The following RGS6 variants were observed in gnomAD, a reference collection of about 807,000 sequenced individuals.
The protein encoded by RGS6 is regulator of G-protein signaling 6.
In RGS6, 30 loss-of-function variants were observed where a neutral mutation model predicts 78.5. That is an observed-to-expected ratio of 0.38 (90% confidence interval 0.29 to 0.52). The LOEUF is 0.52. Ranked by LOEUF, RGS6 falls within the 20% of genes least tolerant of loss-of-function variation. The pLI is 0.85. For synonymous variants in RGS6, 206 were observed against 206.0 expected (o/e 1.00, Z 0.00); for missense variants, 495 against 609.7 (o/e 0.81, Z 1.98).
intron 2 of RGS6, among the ~76,000 whole-genome samples, chr14:72,113,114 ACCC>A (rs2095809139): frequency 1.3e-5 from 2 of 149,934 alleles, no homozygotes; most frequent in African/African-American, 2.5e-5. Context: ...GCACACACAC[ACCC>A]CACTTCATGC....
chr14:71,992,239 G>A (rs1566975263), intron 2 of RGS6, among the ~76,000 whole-genome samples: 1 of 152,090 alleles, frequency 6.6e-6, no homozygotes, highest in African/African-American at 2.4e-5. Flanking sequence ...TGCCATGTTG[G>A]CCAGGCTGGT....
intron 2 of RGS6, among the ~76,000 whole-genome samples, chr14:72,317,134 C>G (rs551821798): frequency 4.3e-4 from 65 of 152,182 alleles, no homozygotes; most frequent in African/African-American, 1.5e-3. Context: ...GCCTTGCACA[C>G]ATTTCCTCAT....
intron 2 of RGS6, among the ~76,000 whole-genome samples, chr14:72,080,867 CA>C (rs1225899683): frequency 2.0e-5 from 3 of 152,058 alleles, no homozygotes; most frequent in Non-Finnish European, 4.4e-5. Flanking sequence ...TACCTTGTTC[CA>C]TTGGCCTAAG....
chr14:72,511,034 A>G (rs1262150456), intron 14 of RGS6, among the ~76,000 whole-genome samples: 2 of 152,232 alleles, frequency 1.3e-5, no homozygotes, highest in East Asian at 3.8e-4. Context: ...GGTTATGAAA[A>G]ATTTGGGAAC....
chr14:72,012,155 T>G (rs2085893508), intron 2 of RGS6, among the ~76,000 whole-genome samples: 1 of 152,184 alleles, frequency 6.6e-6, no homozygotes, highest in South Asian at 2.1e-4. Flanking sequence ...TGATTGGCAC[T>G]TCTCATTTAA....
At chr14:71,885,863 C>T in the RGS6 span, among the ~76,000 whole-genome samples, 1 of 151,884 alleles carries the variant, frequency 6.6e-6, no homozygotes, top group South Asian at 2.1e-4. Context: ...CTGTTTAATA[C>T]TAGTGAGATA....
chr14:72,590,638 G>A, the RGS6 span, among the ~76,000 whole-genome samples: 7 of 152,210 alleles, frequency 4.6e-5, no homozygotes, highest in East Asian at 3.8e-4. Context: ...AGAGTTGATG[G>A]AACAAGATTA....
intron 2 of RGS6, among the ~76,000 whole-genome samples, chr14:72,344,718 C>T (rs577548605): frequency 5.9e-5 from 9 of 152,224 alleles, no homozygotes; most frequent in South Asian, 4.2e-4. Context: ...CAAATTAGAG[C>T]GATCGTTGAT....
In RGS6 at chr14:72,179,017, G is replaced by T. The variant is rs568618346; in HGVS notation, c.85-173078G>T. On this transcript the variant is annotated intron_variant, in intron 2 of 17. Coordinates refer to ENST00000553525, the MANE Select transcript of RGS6 (RefSeq NM_001204424.2). ...CATGTGGGATCCAGCACATATTTCTGACCTGGCGAAAACTAAGAATATCTC... is the reference window on the plus strand; with the variant it reads ...CATGTGGGATCCAGCACATATTTCTTACCTGGCGAAAACTAAGAATATCTC... Among the ~76,000 whole-genome samples the T allele has an allele frequency of 5.9e-5, 9 of 152,278 alleles. No homozygotes were observed. The South Asian group carries it at 1.9e-3, about 32-fold the overall frequency.
downstream of RGS6, chr14:72,566,569 G>A (rs1170246395): frequency 1.3e-5 from 2 of 151,472 alleles, no homozygotes; most frequent in Non-Finnish European, 2.9e-5. Flanking sequence ...GGGTTCGTTG[G>A]GCAGGATGTA....
chr14:72,351,924 C>T (rs1157833160), intron 2 of RGS6, among the ~76,000 whole-genome samples, 171 bp from the exon 3 acceptor site: 1 of 152,190 alleles, frequency 6.6e-6, no homozygotes, highest in African/African-American at 2.4e-5. Flanking sequence ...CTATACCCAG[C>T]ACTTGGTAGA....
At chr14:72,352,339 G>T in intron 3 of RGS6, 145 bp downstream of exon 3, 1 of 576,554 alleles carries the variant, frequency 1.7e-6, no homozygotes. Flanking sequence ...TCCCATCCTA[G>T]TCTTAGTTTC....
At chr14:72,459,552 A>G in intron 5 of RGS6, 80 bp from the exon 6 acceptor site, 1 of 1,346,244 alleles carries the variant, frequency 7.4e-7, no homozygotes, top group Non-Finnish European at 1.1e-6. Context: ...GCCTGCCATC[A>G]GGGAGGCTCC....
At chr14:72,020,893 T>C (rs151182972) in intron 2 of RGS6, among the ~76,000 whole-genome samples, 60 of 152,204 alleles carry the variant, frequency 3.9e-4, no homozygotes, top group Non-Finnish European at 7.4e-4. Context: ...GAAGGAGAAA[T>C]GGAGTCCGAG....
chr14:72,458,253 T>C lies in RGS6; in HGVS notation c.236-18T>C, dbSNP rs377444366. On this transcript the variant is annotated intron_variant, in intron 4 of 17. Transcript: ENST00000553525. ...CCTGCTTTCTAATTCCTTCTCTCTC[T>C]ATGCACTGTTCTTACAGTTGAAGCA... The C allele has an allele frequency of 2.7e-5, 43 of 1,588,018 alleles. No individual in the cohort carries two copies. Among genetic ancestry groups the C allele is most frequent in the Non-Finnish European group, 3.6e-5 (42 of 1,157,660 alleles).
At chr14:72,587,064 C>T in the RGS6 span, among the ~76,000 whole-genome samples, 2 of 152,184 alleles carry the variant, frequency 1.3e-5, no homozygotes, top group African/African-American at 2.4e-5. Context: ...CCAGCCATAA[C>T]AGCCTTTTGT....
intron 2 of RGS6, among the ~76,000 whole-genome samples, chr14:72,021,776 T>G (rs927732862): frequency 6.6e-6 from 1 of 151,930 alleles, no homozygotes; most frequent in Non-Finnish European, 1.5e-5. Flanking sequence ...CTGGCCTTTT[T>G]TTTTTAAAGT....
chr14:72,478,121 G>T (rs1230700275), intron 11 of RGS6, 147 bp from the exon 12 acceptor site: 14 of 632,550 alleles, frequency 2.2e-5, no homozygotes, highest in Non-Finnish European at 3.7e-5. Flanking sequence ...CAAGTAATTT[G>T]CTGGAGGGCA....
At chr14:72,129,324 C>G (rs1041414864) in intron 2 of RGS6, among the ~76,000 whole-genome samples, 7 of 152,198 alleles carry the variant, frequency 4.6e-5, no homozygotes, top group South Asian at 2.1e-4. Flanking sequence ...CCCTCAGTCC[C>G]TAGTTGGAGT....
Sources: allele counts gnomAD v4.1 joint callset (sites outside exome capture counted in the v4.1 genomes callset), GRCh38; gene constraint gnomAD v4.1.1; transcripts MANE v1.5; gene names NCBI Gene and HGNC (gene_info 2026-07-23, HGNC 2026-07-21).